Variants in TMEM161A observed in about 807,000 individuals in gnomAD.
The protein encoded by TMEM161A is adaptive response to oxidative stress protein 29.
In TMEM161A, 46 loss-of-function variants were observed where a neutral mutation model predicts 57.1. The observed-to-expected ratio is 0.81, with a 90% CI of 0.64 to 1.03. The LOEUF is 1.03. TMEM161A is among the 50% of genes least tolerant of loss of function. The pLI, the probability that TMEM161A is intolerant of heterozygous loss-of-function variation, is 0.00. For synonymous variants in TMEM161A, 288 were observed against 279.0 expected (o/e 1.03, Z -0.32); for missense variants, 601 against 621.5 (o/e 0.97, Z 0.35).
At chr19:19,124,443 T>C (rs1387365053) in intron 6 of TMEM161A, among the ~76,000 whole-genome samples, 1 of 152,190 alleles carries the variant, frequency 6.6e-6, no homozygotes, top group East Asian at 1.9e-4. Flanking sequence ...TTCCAGGCCA[T>C]AGGGCAAATC....
At position 19,119,580 on chromosome 19, in the gene TMEM161A, C is replaced by G. The variant is rs969593607; in HGVS notation, c.*350G>C. ...CAGGGACGTGCAAGACAGCTACCAC[C>G]CTGCACAAGCCCGAGTCCCAAACCA... On this transcript the variant is annotated 3_prime_UTR_variant, in exon 12 of 12. Coordinates refer to ENST00000162044, the MANE Select transcript of TMEM161A (RefSeq NM_017814.3). 1.2e-4 allele frequency: 34 copies of G among 294,166 alleles called. No homozygotes were observed. The highest frequency in any genetic ancestry group is 1.7e-4 in the Non-Finnish European group (26 of 149,480). The allele number at this position is 294,166 out of a possible 1,614,324, so 18.2% of individuals were successfully genotyped here.
chr19:19,128,834 G>C lies in TMEM161A; in HGVS notation c.595+1322C>G, dbSNP rs536484459. On this transcript the variant is annotated intron_variant, in intron 6 of 11. Transcript: ENST00000162044. ...ATTACAGGCATGAGCCACCATGCTC[G>C]GCCATCTAAATATACTTAATGCCAC... 4.6e-5 allele frequency among the ~76,000 whole-genome samples: 7 copies of C among 152,154 alleles called. No individual in the cohort carries two copies. The South Asian group carries it at 1.5e-3, about 32-fold the overall frequency.
chr19:19,121,880 G>A lies in TMEM161A; in HGVS notation c.596-61C>T. On this transcript the variant is annotated intron_variant, in intron 6 of 11. Transcript: ENST00000162044. This position sits in a 1 kb window ranked among gnomAD's most constrained non-coding sequence, Gnocchi z 5.8. The stretch of plus-strand genomic sequence containing the variant: ...TTCCTAGGGTCTCTAAGGCCACTCT[G>A]TTCCCTAACCCCCCATCCCTCAGGC... The A allele has an allele frequency of 6.3e-7, 1 of 1,575,748 alleles. No homozygotes were observed. The highest frequency in any genetic ancestry group is 8.7e-7 in the Non-Finnish European group (1 of 1,152,358).
rs187461058 is a variant in TMEM161A at position 19,121,501 on chromosome 19, C to T, written c.800+24G>A. Reference sequence around the variant, plus strand: ...TCTCCCTTAAGCTCCCTAGTCCCCCCACCCACCAAGCGACCCACTTAACTG... The same window carrying T: ...TCTCCCTTAAGCTCCCTAGTCCCCCTACCCACCAAGCGACCCACTTAACTG... On this transcript the variant is annotated intron_variant, in intron 8 of 11. Transcript: ENST00000162044. This position sits in a 1 kb window ranked among gnomAD's most constrained non-coding sequence, Gnocchi z 5.8. 154 of 1,613,538 alleles carry T rather than the reference C, an allele frequency of 9.5e-5. No homozygotes were observed. The highest frequency in any genetic ancestry group is 3.6e-5 in the Non-Finnish European group (43 of 1,179,588).
Position 19,120,843 on chromosome 19 carries a change from A to G in TMEM161A, c.1108T>C (p.Tyr370His), listed in dbSNP as rs573248684. The change falls in exon 11 of 12, where the codon TAT (tyrosine) becomes CAT (histidine). Residue 370 changes from tyrosine (Y) to histidine (H), a missense_variant. By Grantham distance (83) the Tyr-to-His change is moderately conservative. Transcript: ENST00000162044. ...TACTGCAAGCTCACCACGGTCACAT[A>G]GCAGTAGACTCGGACCACCTGTGGG... is the stretch of plus-strand genomic sequence containing the variant. ...IQQRVVRVYCYVTVVSLQYLT... is the reference protein window; with the variant it reads ...IQQRVVRVYCHVTVVSLQYLT... The G allele has an allele frequency of 5.0e-5, 80 of 1,613,402 alleles. 1 individual carries two copies. The Middle Eastern group carries it at 1.8e-3, about 37-fold the overall frequency.
At position 19,121,426 on chromosome 19, in the gene TMEM161A, G is replaced by T. The variant is rs200335461; in HGVS notation, c.801-5C>A. Reference sequence around the variant, plus strand: ...AAGCTGGTGTGCAGGAGGAACCTGGGGGGTGAGGGCAGGAGGGAGTGAGGC... The same window carrying T: ...AAGCTGGTGTGCAGGAGGAACCTGGTGGGTGAGGGCAGGAGGGAGTGAGGC... On this transcript the variant is annotated splice_polypyrimidine_tract_variant and splice_region_variant and intron_variant, in intron 8 of 11. Coordinates refer to ENST00000162044, the MANE Select transcript of TMEM161A (RefSeq NM_017814.3). The surrounding 1 kb of genome is among the most constrained non-coding windows in gnomAD (Gnocchi z 5.8). 2 of 1,613,892 alleles carry T rather than the reference G, an allele frequency of 1.2e-6. No homozygotes were observed. Among genetic ancestry groups the T allele is most frequent in the Admixed American group, 1.7e-5 (1 of 60,008 alleles).
intron 6 of TMEM161A, among the ~76,000 whole-genome samples, chr19:19,122,343 G>A (rs2071633911): frequency 6.6e-6 from 1 of 152,132 alleles, no homozygotes; most frequent in South Asian, 2.1e-4. Context: ...GATTGGGCTG[G>A]GAACATTCAG....
intron 6 of TMEM161A, among the ~76,000 whole-genome samples, chr19:19,124,193 T>TA (rs1216207348): frequency 2.0e-5 from 3 of 152,028 alleles, no homozygotes; most frequent in Non-Finnish European, 4.4e-5. Flanking sequence ...GCAAAATATA[T>TA]AAAGAAAACA....
intron 5 of TMEM161A, among the ~76,000 whole-genome samples, chr19:19,131,379 G>A (rs2059957409): frequency 6.6e-6 from 1 of 151,974 alleles, no homozygotes; most frequent in African/African-American, 2.4e-5. Flanking sequence ...TCTTTGGGAG[G>A]CCAAGGCAGG....
intron 1 of TMEM161A, among the ~76,000 whole-genome samples, chr19:19,135,552 TTTTATTTATTTA>T (rs1232702002): frequency 1.3e-5 from 2 of 152,014 alleles, no homozygotes; most frequent in Non-Finnish European, 2.9e-5. Flanking sequence ...GCTTATTTAT[TTTTATTTATTTA>T]TTTATTTTTT....
chr19:19,123,495 TAGAA>T (rs948456648), intron 6 of TMEM161A, among the ~76,000 whole-genome samples: 3 of 151,774 alleles, frequency 2.0e-5, no homozygotes, highest in South Asian at 2.1e-4. Flanking sequence ...AAGGAACAAA[TAGAA>T]AGCAAAAAAG....
chr19:19,121,281 T>C lies in TMEM161A; in HGVS notation c.914+27A>G, dbSNP rs2059908847. 43 of 1,553,914 alleles carry C rather than the reference T, an allele frequency of 2.8e-5. No homozygotes were observed. The highest frequency in any genetic ancestry group is 3.6e-5 in the Non-Finnish European group (41 of 1,148,174). On this transcript the variant is annotated intron_variant, in intron 9 of 11. Transcript: ENST00000162044. The surrounding 1 kb of genome is among the most constrained non-coding windows in gnomAD (Gnocchi z 5.8). Reference sequence around the variant, plus strand: ...CTAGGGCACCCAGGGGAGCCCCAGCTACCTCCTAGCCCCACCCAATACGCA... The same window carrying C: ...CTAGGGCACCCAGGGGAGCCCCAGCCACCTCCTAGCCCCACCCAATACGCA...
chr19:19,137,701 C>T (rs2059990746), intron 1 of TMEM161A, among the ~76,000 whole-genome samples: 1 of 152,192 alleles, frequency 6.6e-6, no homozygotes, highest in African/African-American at 2.4e-5. Context: ...CAGCGCCCCT[C>T]CTCGGGGATG....
intron 5 of TMEM161A, among the ~76,000 whole-genome samples, chr19:19,131,472 G>A (rs947299017): frequency 1.4e-5 from 2 of 145,786 alleles, no homozygotes; most frequent in Non-Finnish European, 3.0e-5. Context: ...ATATATACAT[G>A]TACATACATA....
chr19:19,120,865 T>C lies in TMEM161A; in HGVS notation c.1090-4A>G, dbSNP rs985119095. 1 of 1,613,276 alleles carries C rather than the reference T, an allele frequency of 6.2e-7. No homozygotes were observed. Among genetic ancestry groups the C allele is most frequent in the Non-Finnish European group, 8.5e-7 (1 of 1,179,964 alleles). On this transcript the variant is annotated splice_polypyrimidine_tract_variant and splice_region_variant and intron_variant, in intron 10 of 11. Coordinates refer to ENST00000162044, the MANE Select transcript of TMEM161A (RefSeq NM_017814.3). ...CATAGCAGTAGACTCGGACCACCTG[T>C]GGGCAGGTAGCAGGGGTGGCTGCAG...
chr19:19,121,306 A>C lies in TMEM161A; in HGVS notation c.914+2T>G. 6.4e-7 allele frequency: 1 copy of C among 1,560,120 alleles called. No individual in the cohort carries two copies. On this transcript the variant is annotated splice_donor_variant, in intron 9 of 11. Coordinates refer to ENST00000162044, the MANE Select transcript of TMEM161A (RefSeq NM_017814.3). LOFTEE classifies it high-confidence loss of function. The surrounding 1 kb of genome is among the most constrained non-coding windows in gnomAD (Gnocchi z 5.8). ...TACCTCCTAGCCCCACCCAATACGC[A>C]CAGGGAGAAACGCGTCTCCCCAAAC...
chr19:19,129,515 G>A (rs2059947250), intron 6 of TMEM161A, among the ~76,000 whole-genome samples: 2 of 152,142 alleles, frequency 1.3e-5, no homozygotes, highest in African/African-American at 2.4e-5. Context: ...GGAGGCTGAG[G>A]CGGGCAGACT....
chr19:19,120,913 C>T (rs748728543), intron 10 of TMEM161A, 52 bp from the exon 11 acceptor site: 1 of 1,611,612 alleles, frequency 6.2e-7, no homozygotes. Context: ...TGGTTTGGGA[C>T]GACTCCACGC....
chr19:19,133,123 C>A lies in TMEM161A; in HGVS notation c.188+7G>T. On this transcript the variant is annotated splice_region_variant and intron_variant, in intron 3 of 11. Coordinates refer to ENST00000162044, the MANE Select transcript of TMEM161A (RefSeq NM_017814.3). ...CCAAGGCTGGGGCTGGGGCCCAGGTCACTCACCGCTCTTTCCTGCCTCTGG... is the reference window on the plus strand; with the variant it reads ...CCAAGGCTGGGGCTGGGGCCCAGGTAACTCACCGCTCTTTCCTGCCTCTGG... 1 of 1,613,096 alleles carries A rather than the reference C, an allele frequency of 6.2e-7. No homozygotes were observed. Among genetic ancestry groups the A allele is most frequent in the Non-Finnish European group, 8.5e-7 (1 of 1,179,420 alleles).
Sources: allele counts gnomAD v4.1 joint callset (sites outside exome capture counted in the v4.1 genomes callset), GRCh38; gene constraint gnomAD v4.1.1; non-coding constraint Gnocchi (gnomAD v3.1); transcripts MANE v1.5; gene names NCBI Gene and HGNC (gene_info 2026-07-23, HGNC 2026-07-21).